The following SYAP1 variants were observed in gnomAD, a reference collection of about 807,000 sequenced individuals.
SYAP1 encodes the protein synapse-associated protein 1.
In SYAP1, 3 loss-of-function variants were observed where a neutral mutation model predicts 29.6. The observed-to-expected ratio is 0.10, with a 90% CI of 0.05 to 0.26. The LOEUF is 0.26. Among genes scored for constraint, SYAP1 ranks in the 10% least tolerant of loss-of-function variants. SYAP1 has a pLI of 1.00. For synonymous variants in SYAP1, 102 were observed against 102.7 expected (o/e 0.99, Z 0.04); for missense variants, 217 against 264.1 (o/e 0.82, Z 1.24).
At position 16,735,332 on chromosome X, in the gene SYAP1, G is replaced by A. The variant is rs1237999023; in HGVS notation, c.281G>A (p.Gly94Asp). ...KKSVEEGKID[G>D]IIDKTIIGDF... ...TCCGTAGAAGAAGGAAAAATAGATGGCATCATTGACAAGGTATATTCAATT... is the reference window on the plus strand; with the variant it reads ...TCCGTAGAAGAAGGAAAAATAGATGACATCATTGACAAGGTATATTCAATT... Residue 94 changes from glycine (G) to aspartate (D), a missense_variant, in exon 2 of 9, where the codon GGC (glycine) becomes GAC (aspartate). Transcript: ENST00000380155. 88 of 1,143,630 alleles carry A rather than the reference G, an allele frequency of 7.7e-5. No homozygotes were observed. The highest frequency in any genetic ancestry group is 9.5e-5 in the Non-Finnish European group (80 of 843,691). 94.2% of individuals were successfully genotyped at this position (1,143,630 alleles called of 1,213,427 possible). A position where few individuals can be genotyped will look rare whatever the true frequency, so the allele number is the denominator to read the frequency against.
chrX:16,756,390 C>T (rs762292306), intron 6 of SYAP1, among the ~76,000 whole-genome samples: 6 of 111,162 alleles, frequency 5.4e-5, no homozygotes, highest in African/African-American at 1.3e-4. Flanking sequence ...CCCAGAAGTT[C>T]GAGTCCAGCC....
chrX:16,733,075 A>T (rs1926244459), intron 1 of SYAP1, among the ~76,000 whole-genome samples: 1 of 111,684 alleles, frequency 9.0e-6, no homozygotes, highest in African/African-American at 3.3e-5. Context: ...GCATATGGAG[A>T]GTTAGCCAGA....
intron 5 of SYAP1, 115 bp from the exon 6 acceptor site, chrX:16,754,826 CAAAT>C: frequency 1.4e-6 from 1 of 703,385 alleles, no homozygotes. Context: ...CCCTTTACAA[CAAAT>C]AACCCCTGCG....
At chrX:16,727,354 T>C (rs1482164393) in intron 1 of SYAP1, among the ~76,000 whole-genome samples, 1 of 105,107 alleles carries the variant, frequency 9.5e-6, no homozygotes, top group Non-Finnish European at 2.0e-5. Context: ...TTTTTTTTTT[T>C]TTTTTTGAGA....
intron 5 of SYAP1, among the ~76,000 whole-genome samples, chrX:16,746,529 G>A (rs1430258043): frequency 4.5e-5 from 5 of 110,726 alleles, no homozygotes; most frequent in Admixed American, 2.9e-4. Context: ...GAGCCACTGC[G>A]CCCAGCTAGA....
rs1390915880 is a variant in SYAP1 at position 16,756,673 on chromosome X, G to A, written c.735G>A (p.Arg245=). 5.8e-6 allele frequency: 7 copies of A among 1,210,831 alleles called. No homozygotes were observed. Among genetic ancestry groups the A allele is most frequent in the Non-Finnish European group, 7.8e-6 (7 of 894,775 alleles). The change falls in exon 7 of 9, where the codon CGG becomes CGA. Residue 245 remains arginine (R), a synonymous_variant. Coordinates refer to ENST00000380155, the MANE Select transcript of SYAP1 (RefSeq NM_032796.4). The part of the protein sequence containing the change: ...EQDLPLAEAV[R]PKTPPVVIKS... The stretch of plus-strand genomic sequence containing the variant: ...ATTCTCACTTCTTAGAGGCAGTACG[G>A]CCCAAAACGCCACCCGTTGTAATCA...
intron 5 of SYAP1, among the ~76,000 whole-genome samples, chrX:16,754,261 C>T (rs1425963337): frequency 1.8e-5 from 2 of 111,400 alleles, no homozygotes; most frequent in Admixed American, 1.9e-4. Context: ...CTTCTGGTTT[C>T]CCAGGTTGAT....
At chrX:16,740,441 CT>C (rs1337480901) in intron 3 of SYAP1, among the ~76,000 whole-genome samples, 8 of 102,304 alleles carry the variant, frequency 7.8e-5, no homozygotes, top group South Asian at 4.3e-4. Flanking sequence ...CAGTAACTTT[CT>C]TTTTTTTTCC....
intron 8 of SYAP1, among the ~76,000 whole-genome samples, chrX:16,758,284 A>G (rs1418882294): frequency 9.2e-6 from 1 of 109,152 alleles, no homozygotes; most frequent in Non-Finnish European, 1.9e-5. Flanking sequence ...GGCTCAAGCA[A>G]TCTTGCCACC....
At chrX:16,727,341 C>CTTTT (rs59067207) in intron 1 of SYAP1, among the ~76,000 whole-genome samples, 1 of 79,595 alleles carries the variant, frequency 1.3e-5, no homozygotes, top group African/African-American at 5.1e-5. Context: ...TGAGATAAGA[C>CTTTT]TTTTTTTTTT....
intron 5 of SYAP1, among the ~76,000 whole-genome samples, chrX:16,746,926 A>G (rs1486665062): frequency 9.1e-6 from 1 of 110,003 alleles, no homozygotes; most frequent in Non-Finnish European, 1.9e-5. Context: ...CTATTTTTTT[A>G]CTACATATGC....
intron 3 of SYAP1, among the ~76,000 whole-genome samples, chrX:16,737,784 G>A (rs1488778650): frequency 4.5e-5 from 5 of 111,934 alleles, no homozygotes; most frequent in African/African-American, 1.6e-4. Context: ...AACTACATAT[G>A]GCTAATGGCT....
At chrX:16,757,101 AC>A in intron 7 of SYAP1, 60 bp from the exon 8 acceptor site, 1 of 1,167,612 alleles carries the variant, frequency 8.6e-7, no homozygotes, top group Non-Finnish European at 1.2e-6. Flanking sequence ...ACAATAGCAA[AC>A]CAGAATAACA....
chrX:16,743,344 T>TA (rs1380114758), intron 4 of SYAP1, among the ~76,000 whole-genome samples: 11 of 100,202 alleles, frequency 1.1e-4, no homozygotes, highest in Middle Eastern at 5.8e-3. Context: ...AAAATAAAAT[T>TA]AAAAAAAAAG....
At chrX:16,731,625 ATCAGTG>A (rs1255763858) in intron 1 of SYAP1, among the ~76,000 whole-genome samples, 4 of 111,979 alleles carry the variant, frequency 3.6e-5, no homozygotes, top group Non-Finnish European at 5.6e-5. Context: ...TTAAACCAAT[ATCAGTG>A]TTTTATTTAT....
At chrX:16,734,395 A>G (rs112488455) in intron 1 of SYAP1, among the ~76,000 whole-genome samples, 8,353 of 109,563 alleles carry the variant, frequency 0.076, 811 homozygotes, top group African/African-American at 0.27. Context: ...CAAAAAAAAA[A>G]AAAAAAAGAT....
chrX:16,743,333 AAAAAT>A (rs1024359515), intron 4 of SYAP1, among the ~76,000 whole-genome samples: 6 of 106,350 alleles, frequency 5.6e-5, no homozygotes, highest in African/African-American at 1.7e-4. Flanking sequence ...ATCTCAAAAC[AAAAAT>A]AAAATTAAAA....
In SYAP1 at chrX:16,739,354, C is replaced by T. The variant is rs189583492; in HGVS notation, c.362-2362C>T. The stretch of plus-strand genomic sequence containing the variant: ...GGGCTCGTGATATGATATGTCTTCC[C>T]TCTGACTCAGAGCATAATAGTAAAG... On this transcript the variant is annotated intron_variant, in intron 3 of 8. Coordinates refer to ENST00000380155, the MANE Select transcript of SYAP1 (RefSeq NM_032796.4). 2.1e-3 allele frequency among the ~76,000 whole-genome samples: 234 copies of T among 110,679 alleles called. 2 individuals carry two copies. The highest frequency in any genetic ancestry group is 6.0e-3 in the Admixed American group (62 of 10,259).
At position 16,764,292 on chromosome X, in the gene SYAP1, A is replaced by T. The variant is rs1210198726; in HGVS notation, c.*3933A>T. On this transcript the variant is annotated 3_prime_UTR_variant, in exon 9 of 9. Coordinates refer to ENST00000380155, the MANE Select transcript of SYAP1 (RefSeq NM_032796.4). ...CCCCCTCCATTTTTAAGTAAAGATA[A>T]ACATTTTTTAATTAGGAAAATTAGG... The T allele has an allele frequency of 9.0e-6, 1 of 111,611 alleles. No individual in the cohort carries two copies. Among genetic ancestry groups the T allele is most frequent in the Non-Finnish European group, 1.9e-5 (1 of 53,161 alleles). 9.2% of individuals were successfully genotyped at this position (111,611 alleles called of 1,213,427 possible). A position where few individuals can be genotyped will look rare whatever the true frequency, so the allele number is the denominator to read the frequency against.
Sources: gnomAD v4.1 joint callset for allele counts (sites outside exome capture counted in the v4.1 genomes callset) on GRCh38, gnomAD v4.1.1 for gene constraint, MANE v1.5 for transcripts, NCBI Gene and HGNC (gene_info 2026-07-23, HGNC 2026-07-21) for gene names.